The following CTNNA3 variants were observed in gnomAD, a reference collection of about 807,000 sequenced individuals.
CTNNA3 encodes catenin alpha 3.
Under a neutral mutation model 95.7 loss-of-function variants are expected in CTNNA3, and 76 were observed. That is an observed-to-expected ratio of 0.79 (90% CI 0.66 to 0.96). CTNNA3 has a LOEUF of 0.96. Among genes scored for constraint, CTNNA3 ranks in the 40% least tolerant of loss-of-function variants. The pLI, the probability that CTNNA3 is intolerant of heterozygous loss-of-function variation, is 0.00. For missense variants in CTNNA3, 1,191 were observed against 1,089.8 expected (o/e 1.09, Z -1.31); for synonymous variants, 431 against 374.4 (o/e 1.15, Z -1.74).
intron 1 of CTNNA3, chr10:67,751,005 C>A: frequency 6.4e-7 from 1 of 1,570,970 alleles, no homozygotes; most frequent in South Asian, 1.1e-5. Context: ...CTGCAAGGCA[C>A]AAAAAACCAC....
At chr10:66,505,639 C>T (rs17264684) in intron 11 of CTNNA3, among the ~76,000 whole-genome samples, 23,177 of 152,038 alleles carry the variant, frequency 0.15, 1,846 homozygotes, top group Non-Finnish European at 0.17. Flanking sequence ...AGTTATCAAA[C>T]TGGTTCTCAC....
At chr10:67,084,933 G>A (rs540991312) in intron 7 of CTNNA3, among the ~76,000 whole-genome samples, 1 of 151,800 alleles carries the variant, frequency 6.6e-6, no homozygotes, top group African/African-American at 2.4e-5. Flanking sequence ...TTCATATTAT[G>A]TTATATTTGT....
chr10:66,129,883 TC>T (rs1203462257), intron 13 of CTNNA3, among the ~76,000 whole-genome samples: 3 of 151,958 alleles, frequency 2.0e-5, no homozygotes, highest in Admixed American at 2.0e-4. Context: ...TTGGGTTGGA[TC>T]TTGCTTTTAC....
At chr10:66,351,801 A>T (rs933057512) in intron 12 of CTNNA3, among the ~76,000 whole-genome samples, 1 of 151,986 alleles carries the variant, frequency 6.6e-6, no homozygotes, top group Non-Finnish European at 1.5e-5. Context: ...AATATTAAAG[A>T]TCTCTCATAT....
intron 12 of CTNNA3, among the ~76,000 whole-genome samples, chr10:66,344,623 C>A (rs1278496807): frequency 6.6e-6 from 1 of 151,992 alleles, no homozygotes; most frequent in Non-Finnish European, 1.5e-5. Context: ...GAAATTCCTG[C>A]CACTGTTTAC....
At chr10:67,065,206 G>A (rs547509104) in intron 7 of CTNNA3, among the ~76,000 whole-genome samples, 17 of 152,158 alleles carry the variant, frequency 1.1e-4, no homozygotes, top group Admixed American at 3.9e-4. Flanking sequence ...GACACATATC[G>A]GGAGACACAG....
chr10:66,718,016 G>A (rs12412158), intron 9 of CTNNA3, among the ~76,000 whole-genome samples: 3,638 of 152,154 alleles, frequency 0.024, 185 homozygotes, highest in East Asian at 0.22. Flanking sequence ...GAACCAAAAG[G>A]TCTTTTAAAG....
At chr10:66,812,798 T>C (rs1285126534) in intron 7 of CTNNA3, among the ~76,000 whole-genome samples, 1 of 152,176 alleles carries the variant, frequency 6.6e-6, no homozygotes, top group Admixed American at 6.6e-5. Context: ...GTCCAGAAAT[T>C]CTAGATGTAT....
chr10:67,490,953 C>T (rs767672597), intron 5 of CTNNA3, among the ~76,000 whole-genome samples: 2 of 152,058 alleles, frequency 1.3e-5, no homozygotes, highest in African/African-American at 2.4e-5. Flanking sequence ...ACAACCTTAA[C>T]AGAAGAGTTC....
chr10:67,569,642 A>G (rs1348888182), intron 3 of CTNNA3, among the ~76,000 whole-genome samples: 3 of 152,160 alleles, frequency 2.0e-5, no homozygotes, highest in African/African-American at 7.2e-5. Flanking sequence ...AAGGTAACAG[A>G]GTGACCTAAA....
At chr10:66,794,971 G>A (rs1429549683) in intron 7 of CTNNA3, among the ~76,000 whole-genome samples, 1 of 152,034 alleles carries the variant, frequency 6.6e-6, no homozygotes, top group Non-Finnish European at 1.5e-5. Flanking sequence ...ACATCTTCAG[G>A]CTCTACTTCT....
At chr10:66,703,391 T>C (rs565843748) in intron 9 of CTNNA3, among the ~76,000 whole-genome samples, 1 of 152,326 alleles carries the variant, frequency 6.6e-6, no homozygotes, top group African/African-American at 2.4e-5. Flanking sequence ...CTTGGTCACA[T>C]GACTGAATTA....
At chr10:66,915,339 G>GC (rs1367770111) in intron 7 of CTNNA3, among the ~76,000 whole-genome samples, 1 of 151,982 alleles carries the variant, frequency 6.6e-6, no homozygotes, top group East Asian at 1.9e-4. Context: ...CAGTGACAGT[G>GC]GTATGGGAAG....
At chr10:66,762,630 C>A (rs1272285301) in intron 9 of CTNNA3, among the ~76,000 whole-genome samples, 2 of 151,572 alleles carry the variant, frequency 1.3e-5, no homozygotes, top group East Asian at 4.0e-4. Flanking sequence ...CATGTTCAGA[C>A]CAAATTCTTC....
intron 10 of CTNNA3, among the ~76,000 whole-genome samples, chr10:66,549,245 C>T (rs1842139777): frequency 6.6e-6 from 1 of 152,120 alleles, no homozygotes; most frequent in African/African-American, 2.4e-5. Flanking sequence ...CTGCCCGCCT[C>T]TGTCTCCACC....
rs879372924 is a variant in CTNNA3, at chr10:67,672,088, AT to A, written c.-6+23911del. On this transcript the variant is annotated intron_variant, in intron 1 of 17. Transcript: ENST00000433211. Reference sequence around the variant, plus strand: ...GAGATGGTATCTCATTGTGGTTTTGATTTGCATTTCTCTGATGGCCAGTGAT... The same window carrying A: ...GAGATGGTATCTCATTGTGGTTTTGATTGCATTTCTCTGATGGCCAGTGAT... 3.3e-3 allele frequency among the ~76,000 whole-genome samples: 495 copies of A among 152,106 alleles called. 16 individuals carry two copies. The highest frequency in any genetic ancestry group is 0.022 in the Admixed American group (333 of 15,274).
At chr10:67,650,521 C>T (rs1415684799) in intron 1 of CTNNA3, among the ~76,000 whole-genome samples, 1 of 152,212 alleles carries the variant, frequency 6.6e-6, no homozygotes, top group African/African-American at 2.4e-5. Context: ...GGATCCTTCC[C>T]TTCTCCCCAA....
Position 67,156,995 on chromosome 10 carries a change from T to C in CTNNA3, c.1047+23322A>G, listed in dbSNP as rs184395195. 7.7e-4 allele frequency among the ~76,000 whole-genome samples: 118 copies of C among 152,294 alleles called. 2 individuals are homozygous for C. The highest frequency in any genetic ancestry group is 7.3e-3 in the Admixed American group (111 of 15,292). ...TGGGTACATATATTTATAGTTGCTG[T>C]ATCTTCCTAATGAATCAACCCTTTT... On this transcript the variant is annotated intron_variant, in intron 7 of 17. Transcript: ENST00000433211.
chr10:66,996,221 T>C (rs1351328799), intron 7 of CTNNA3, among the ~76,000 whole-genome samples: 1 of 152,162 alleles, frequency 6.6e-6, no homozygotes, highest in Non-Finnish European at 1.5e-5. Flanking sequence ...TAATTAGAGA[T>C]GTTAACAAAT....
Sources: allele counts gnomAD v4.1 joint callset (sites outside exome capture counted in the v4.1 genomes callset), GRCh38; gene constraint gnomAD v4.1.1; transcripts MANE v1.5; gene names NCBI Gene and HGNC (gene_info 2026-07-23, HGNC 2026-07-21).